TTC3: variants seen among roughly 807,000 people sequenced by gnomAD.
The protein encoded by TTC3 is E3 ubiquitin-protein ligase TTC3.
In TTC3, 180 loss-of-function variants were observed where a neutral mutation model predicts 249.6. That is an observed-to-expected ratio of 0.72 (90% CI 0.64 to 0.82). TTC3 has a LOEUF of 0.82. Among genes scored for constraint, TTC3 ranks in the 40% least tolerant of loss-of-function variants. TTC3 has a pLI of 0.00. For missense variants in TTC3, 2,061 were observed against 2,398.4 expected (o/e 0.86, Z 2.94); for synonymous variants, 717 against 805.0 (o/e 0.89, Z 1.85).
intron 31 of TTC3, among the ~76,000 whole-genome samples, chr21:37,162,267 G>A (rs747155527): frequency 1.8e-4 from 27 of 152,172 alleles, no homozygotes; most frequent in Non-Finnish European, 3.2e-4. Context: ...TTCAAACTGT[G>A]TTAAAGTCAC....
At position 37,166,175 on chromosome 21, in the gene TTC3, C is replaced by A. The variant is rs1379947240; in HGVS notation, c.3961C>A (p.Leu1321Ile). The change falls in exon 33 of 46, where the codon CTT becomes ATT. Residue 1321 changes from leucine to isoleucine, a missense_variant. Around this residue, in one of 3 missense-constraint regions of TTC3, gnomAD observed 1,040 missense variants for 1,186.1 expected, o/e 0.88. Coordinates refer to ENST00000355666, the Ensembl canonical transcript of TTC3. ...TTTGGTCACAGGATACTGTACGTAT[C>A]TTCCTTTCCAGAGATTTGATATCAC... 6 of 1,614,166 alleles carry A rather than the reference C, an allele frequency of 3.7e-6. No individual in the cohort carries two copies. Among genetic ancestry groups the A allele is most frequent in the Non-Finnish European group, 5.1e-6 (6 of 1,180,028 alleles).
At chr21:37,108,503 A>G (rs1222479339) in intron 11 of TTC3, 57 bp downstream of exon 11, 1 of 1,503,894 alleles carries the variant, frequency 6.6e-7, no homozygotes, top group Non-Finnish European at 9.1e-7. Context: ...ATTGTGAAAA[A>G]TCTGTTTATA....
chr21:37,077,803 T>G (rs138925826), intron 1 of TTC3, among the ~76,000 whole-genome samples: 1,748 of 152,312 alleles, frequency 0.011, 16 homozygotes, highest in East Asian at 0.03. Context: ...GTAACATCGA[T>G]TATGTGCGTT....
chr21:37,127,970 T>C (rs1004170708), intron 15 of TTC3, among the ~76,000 whole-genome samples: 11 of 152,234 alleles, frequency 7.2e-5, no homozygotes, highest in Non-Finnish European at 1.3e-4. Context: ...TTCATATTTC[T>C]CAGGCCATTA....
At chr21:37,162,142 T>C in intron 31 of TTC3, 79 bp downstream of exon 31, 1 of 875,672 alleles carries the variant, frequency 1.1e-6, no homozygotes, top group South Asian at 2.3e-5. Context: ...TTAATATATA[T>C]AAACTTGTGT....
At chr21:37,073,578 TA>T in intron 1 of TTC3, 105 bp downstream of exon 1, 1 of 886,130 alleles carries the variant, frequency 1.1e-6, no homozygotes, top group Non-Finnish European at 1.4e-6. Flanking sequence ...CGCCATTGCC[TA>T]CCCCAGTGGG....
chr21:37,126,362 A>C (rs1180504588), intron 15 of TTC3, among the ~76,000 whole-genome samples: 1 of 152,218 alleles, frequency 6.6e-6, no homozygotes, highest in Non-Finnish European at 1.5e-5. Context: ...AATAAAAGGA[A>C]AGGAAAAGAT....
intron 41 of TTC3, chr21:37,194,492 T>C (rs1235300432): frequency 2.6e-5 from 4 of 152,098 alleles, no homozygotes; most frequent in African/African-American, 9.7e-5. Flanking sequence ...ACCCCTATTT[T>C]ACTCCATAAT....
exon 2 of TTC3, chr21:37,087,317 C>T (rs1418596831): frequency 6.2e-7 from 1 of 1,614,058 alleles, no homozygotes; most frequent in Admixed American, 1.7e-5. Flanking sequence ...TAGAAGATTG[C>T]CCTCACGTGG....
chr21:37,200,050 A>G (rs756102235), intron 44 of TTC3, among the ~76,000 whole-genome samples, 182 bp from the exon 45 acceptor site: 9 of 152,244 alleles, frequency 5.9e-5, no homozygotes, highest in Middle Eastern at 3.4e-3. Context: ...TTGTATTTTT[A>G]TATTTTTTCT....
chr21:37,082,463 T>A, intron 1 of TTC3: 1 of 985,048 alleles, frequency 1.0e-6, no homozygotes, highest in Non-Finnish European at 1.2e-6. Flanking sequence ...GATGCTTGCT[T>A]TCTGAAAGCA....
At chr21:37,104,382 G>A (rs2074840935) in intron 10 of TTC3, among the ~76,000 whole-genome samples, 1 of 152,068 alleles carries the variant, frequency 6.6e-6, no homozygotes, top group Non-Finnish European at 1.5e-5. Context: ...CAGAGGTCAG[G>A]AGTTCGAGAC....
chr21:37,110,701 A>G (rs1358001381), intron 11 of TTC3, among the ~76,000 whole-genome samples: 1 of 152,226 alleles, frequency 6.6e-6, no homozygotes, highest in Non-Finnish European at 1.5e-5. Flanking sequence ...GGAAATACAG[A>G]GAACACCACA....
exon 36 of TTC3, chr21:37,182,817 G>C (rs1485398536): frequency 6.3e-7 from 1 of 1,591,568 alleles, no homozygotes; most frequent in Non-Finnish European, 8.5e-7. Context: ...GATTTGGAAA[G>C]AGAAATTAAA....
chr21:37,164,934 G>A (rs959155779), intron 32 of TTC3, among the ~76,000 whole-genome samples: 1 of 152,054 alleles, frequency 6.6e-6, no homozygotes, highest in Non-Finnish European at 1.5e-5. Flanking sequence ...TTCCTGTATT[G>A]CATCATTCCT....
chr21:37,200,760 G>A lies in TTC3; in HGVS notation c.5943+436G>A, dbSNP rs78827018. Among the ~76,000 whole-genome samples the A allele has an allele frequency of 8.9e-3, 1,352 of 152,294 alleles. 10 individuals are homozygous for A. Among genetic ancestry groups the A allele is most frequent in the Non-Finnish European group, 0.016 (1,057 of 68,022 alleles). ...ACCCAGGGACAGTCCTGCTCGTACCGTTCTGGGATCTGTGTGTGAACTATC... is the reference window on the plus strand; with the variant it reads ...ACCCAGGGACAGTCCTGCTCGTACCATTCTGGGATCTGTGTGTGAACTATC... On this transcript the variant is annotated intron_variant, in intron 45 of 45. Transcript: ENST00000355666.
chr21:37,131,780 CA>C (rs1468471006), intron 16 of TTC3, among the ~76,000 whole-genome samples: 1 of 152,116 alleles, frequency 6.6e-6, no homozygotes, highest in Non-Finnish European at 1.5e-5. Context: ...TTGTGTTGGA[CA>C]GTTGAATTGA....
intron 37 of TTC3, among the ~76,000 whole-genome samples, chr21:37,186,313 A>G (rs1340885519): frequency 6.6e-6 from 1 of 152,126 alleles, no homozygotes; most frequent in Non-Finnish European, 1.5e-5. Flanking sequence ...GCACATTCCC[A>G]TCCCGGTTTT....
At chr21:37,117,161 C>T (rs2076207509) in intron 11 of TTC3, among the ~76,000 whole-genome samples, 1 of 152,248 alleles carries the variant, frequency 6.6e-6, no homozygotes, top group African/African-American at 2.4e-5. Context: ...CAGATTTCTT[C>T]GCTTTTCCCC....
Sources: gnomAD v4.1 joint callset for allele counts (sites outside exome capture counted in the v4.1 genomes callset) on GRCh38, gnomAD v4.1.1 for gene constraint, gnomAD v4.1.1 regional missense constraint, MANE v1.5 for transcripts, NCBI Gene and HGNC (gene_info 2026-07-23, HGNC 2026-07-21) for gene names.